Variants in MLIP observed in about 807,000 individuals in gnomAD.
The protein encoded by MLIP is muscular LMNA-interacting protein.
A neutral mutation model predicts 84.8 loss-of-function variants in MLIP; 79 were observed. That is an observed-to-expected ratio of 0.93 (90% CI 0.78 to 1.12). The LOEUF is 1.12. MLIP is among the 50% of genes most tolerant of loss of function. The pLI is 0.00. For synonymous variants in MLIP, 504 were observed against 463.0 expected (o/e 1.09, Z -1.14); for missense variants, 1,257 against 1,160.6 (o/e 1.08, Z -1.21).
chr6:54,109,991 C>CT (rs11444915), upstream of MLIP, among the ~76,000 whole-genome samples: 37,398 of 69,270 alleles, frequency 0.54, 8,712 homozygotes, highest in Admixed American at 0.61. Context: ...TTTTCTTTTT[C>CT]TTTTTTTTTT....
At chr6:54,055,037 G>A (rs1172374850) in intron 1 of MLIP, among the ~76,000 whole-genome samples, 1 of 151,954 alleles carries the variant, frequency 6.6e-6, no homozygotes, top group African/African-American at 2.4e-5. Flanking sequence ...ACAGGCGCCC[G>A]CCACCACGCC....
chr6:54,065,525 C>T (rs959680938), intron 1 of MLIP, among the ~76,000 whole-genome samples: 2 of 100,380 alleles, frequency 2.0e-5, no homozygotes, highest in South Asian at 3.5e-4. Flanking sequence ...GAAGGGCATT[C>T]GAGAAAATAC....
intron 1 of MLIP, among the ~76,000 whole-genome samples, chr6:54,120,796 G>A (rs1466724942): frequency 6.6e-6 from 1 of 151,988 alleles, no homozygotes; most frequent in Non-Finnish European, 1.5e-5. Flanking sequence ...TGTTCCCTTA[G>A]TAGTCTTATC....
At chr6:54,173,479 A>G (rs1334528859) in intron 9 of MLIP, among the ~76,000 whole-genome samples, 1 of 151,882 alleles carries the variant, frequency 6.6e-6, no homozygotes, top group Non-Finnish European at 1.5e-5. Context: ...ATGTGCTTAA[A>G]TGTACATTAA....
chr6:54,215,006 C>T (rs1257314541), intron 11 of MLIP: 2 of 579,586 alleles, frequency 3.5e-6, no homozygotes, highest in Non-Finnish European at 5.9e-6. Context: ...GAGACGATAT[C>T]CCTCCCTCAT....
chr6:54,021,708 ACCAAT>A (rs1763507684), intron 1 of MLIP, among the ~76,000 whole-genome samples: 1 of 152,236 alleles, frequency 6.6e-6, no homozygotes, highest in African/African-American at 2.4e-5. Flanking sequence ...TAGGTACTTA[ACCAAT>A]TCAAGGTGAC....
intron 10 of MLIP, among the ~76,000 whole-genome samples, chr6:54,190,962 A>AT (rs779810426): frequency 1.3e-4 from 20 of 151,604 alleles, no homozygotes; most frequent in Non-Finnish European, 2.1e-4. Flanking sequence ...AGCCCGGCTA[A>AT]TTTTTTGTAT....
chr6:54,202,109 A>G lies in MLIP; in HGVS notation c.2594A>G (p.Lys865Arg). Residue 865 changes from lysine (K) to arginine (R), a missense_variant, in exon 11 of 14, where the codon AAG (lysine) becomes AGG (arginine). Physicochemically the swap from Lys to Arg is conservative, Grantham distance 26. Transcript: ENST00000502396. ...SSTVSESQLT[K>R]PGVIRPVPVK... Reference sequence around the variant, plus strand: ...ATTTATTTTACATTCATGAAGACTAAGCCTGGAGTAATTCGCCCAGTACCT... The same window carrying G: ...ATTTATTTTACATTCATGAAGACTAGGCCTGGAGTAATTCGCCCAGTACCT... The G allele has an allele frequency of 6.3e-7, 1 of 1,577,976 alleles. No homozygotes were observed. The highest frequency in any genetic ancestry group is 8.6e-7 in the Non-Finnish European group (1 of 1,161,542).
chr6:54,127,824 A>C (rs1771052649), intron 3 of MLIP, among the ~76,000 whole-genome samples: 1 of 152,228 alleles, frequency 6.6e-6, no homozygotes, highest in Non-Finnish European at 1.5e-5. Context: ...AAAAGTAAAC[A>C]TGTTATGTAA....
At chr6:54,083,654 C>T (rs1648117658) in intron 1 of MLIP, 1 of 1,531,590 alleles carries the variant, frequency 6.5e-7, no homozygotes, top group South Asian at 1.2e-5. Context: ...TTCCTTGATA[C>T]TGTCACCCTG....
At chr6:54,102,934 C>G (rs1768759809) in intron 1 of MLIP, among the ~76,000 whole-genome samples, 1 of 152,070 alleles carries the variant, frequency 6.6e-6, no homozygotes, top group Non-Finnish European at 1.5e-5. Flanking sequence ...TGTATCTAAC[C>G]CATGGAGCCA....
chr6:54,086,447 C>T (rs1767495697), intron 1 of MLIP, among the ~76,000 whole-genome samples: 1 of 152,094 alleles, frequency 6.6e-6, no homozygotes, highest in African/African-American at 2.4e-5. Context: ...TGGAATCAGC[C>T]ATTTCTGCAA....
intron 11 of MLIP, among the ~76,000 whole-genome samples, chr6:54,206,519 T>C (rs1303508261): frequency 6.6e-6 from 1 of 152,172 alleles, no homozygotes; most frequent in Non-Finnish European, 1.5e-5. Flanking sequence ...ACATATTTTC[T>C]ATGAAGATGA....
chr6:54,219,298 T>A (rs961620106), intron 11 of MLIP, among the ~76,000 whole-genome samples: 2 of 151,282 alleles, frequency 1.3e-5, no homozygotes, highest in Non-Finnish European at 1.5e-5. Flanking sequence ...TATTTATATC[T>A]TTAATCTATA....
intron 11 of MLIP, among the ~76,000 whole-genome samples, chr6:54,221,146 A>G (rs1355214140): frequency 6.6e-6 from 1 of 152,278 alleles, no homozygotes; most frequent in East Asian, 1.9e-4. Context: ...GCCTGGGCAC[A>G]GACAAGTTGC....
chr6:54,167,442 T>G (rs1775310894), intron 8 of MLIP, among the ~76,000 whole-genome samples: 1 of 151,890 alleles, frequency 6.6e-6, no homozygotes. Flanking sequence ...ATTTTATAGT[T>G]TCTAGCATAC....
chr6:54,240,216 A>T (rs1480815982), intron 12 of MLIP, among the ~76,000 whole-genome samples: 3 of 152,232 alleles, frequency 2.0e-5, no homozygotes, highest in African/African-American at 2.4e-5. Context: ...TCACATTCCA[A>T]CTTCAGTATT....
intron 1 of MLIP, among the ~76,000 whole-genome samples, chr6:54,093,480 A>C (rs1208693921): frequency 6.6e-6 from 1 of 152,092 alleles, no homozygotes; most frequent in Non-Finnish European, 1.5e-5. Flanking sequence ...GATCTAGGCT[A>C]GCAGCTGTGT....
chr6:54,160,538 G>A lies in MLIP; in HGVS notation c.2378G>A (p.Arg793Lys), dbSNP rs1408814292. 6.2e-7 allele frequency: 1 copy of A among 1,612,598 alleles called. No individual in the cohort carries two copies. Among genetic ancestry groups the A allele is most frequent in the Non-Finnish European group, 8.5e-7 (1 of 1,179,206 alleles). ...CAGCTCTATTTTCCTGCACAGCTCAGGCAGCAAACTGAAGAGCTCTGTGCT... is the reference window on the plus strand; with the variant it reads ...CAGCTCTATTTTCCTGCACAGCTCAAGCAGCAAACTGAAGAGCTCTGTGCT... Reference protein sequence around the residue: ...PVELYFPAQLRQQTEELCATI... With the variant: ...PVELYFPAQLKQQTEELCATI... The change falls in exon 7 of 14, where the codon AGG (arginine) becomes AAG (lysine). Residue 793 changes from arginine to lysine, a missense_variant. Physicochemically the swap from Arg to Lys is conservative, Grantham distance 26 (BLOSUM62 2). Coordinates refer to ENST00000502396, the MANE Select transcript of MLIP (RefSeq NM_001281747.2).
Sources: gnomAD v4.1 joint callset for allele counts (sites outside exome capture counted in the v4.1 genomes callset) on GRCh38, gnomAD v4.1.1 for gene constraint, MANE v1.5 for transcripts, NCBI Gene and HGNC (gene_info 2026-07-23, HGNC 2026-07-21) for gene names.